Variants in STAB1 observed in about 807,000 individuals in gnomAD.
STAB1 encodes stabilin-1.
STAB1 carries 250 observed loss-of-function variants against 332.4 expected under a neutral mutation model. The ratio of observed to expected loss-of-function variants is 0.75; its 90% CI spans 0.68 to 0.84. STAB1 has a LOEUF of 0.84. Ranked by LOEUF, STAB1 falls within the 40% of genes least tolerant of loss-of-function variation. The pLI is 0.00. For missense variants in STAB1, 3,249 were observed against 3,489.7 expected (o/e 0.93, Z 1.74); for synonymous variants, 1,475 against 1,390.4 (o/e 1.06, Z -1.35).
At chr3:52,504,217 G>A (rs1215471145) in intron 10 of STAB1, 62 bp downstream of exon 10, 24 of 1,540,012 alleles carry the variant, frequency 1.6e-5, no homozygotes, top group Admixed American at 1.9e-5. Context: ...TTGGCAGGGA[G>A]GGAGGAGCTG....
At chr3:52,499,920 A>C (rs1385403389) in intron 1 of STAB1, among the ~76,000 whole-genome samples, 17 of 149,034 alleles carry the variant, frequency 1.1e-4, no homozygotes, top group Non-Finnish European at 1.6e-4. Context: ...AAAAAAAAAA[A>C]AAACTGGCCA....
rs763667290 is a variant in STAB1, at chr3:52,517,313, C to T, written c.4490-7C>T. On this transcript the variant is annotated splice_region_variant and splice_polypyrimidine_tract_variant and intron_variant, in intron 42 of 68. Transcript: ENST00000321725. ...GGCCACCCCCATCCCAGTGTCTCTTCCCCCAGAAATTAACAGCTGTCTCAT... is the reference window on the plus strand; with the variant it reads ...GGCCACCCCCATCCCAGTGTCTCTTTCCCCAGAAATTAACAGCTGTCTCAT... 105 of 1,563,674 alleles carry T rather than the reference C, an allele frequency of 6.7e-5. No individual in the cohort carries two copies. Among genetic ancestry groups the T allele is most frequent in the Admixed American group, 1.4e-4 (7 of 50,856 alleles).
At chr3:52,508,456 AC>A (rs1709047334) in intron 21 of STAB1, 97 bp downstream of exon 21, 1 of 1,165,986 alleles carries the variant, frequency 8.6e-7, no homozygotes, top group South Asian at 1.2e-5. Flanking sequence ...CAAGCCTGCC[AC>A]TCTGGCCTTG....
In STAB1 at chr3:52,524,217, A is replaced by G. The variant is rs1157976020; in HGVS notation, c.7656+4A>G. The G allele has an allele frequency of 1.9e-6, 3 of 1,613,998 alleles. No homozygotes were observed. Among genetic ancestry groups the G allele is most frequent in the Non-Finnish European group, 2.5e-6 (3 of 1,179,960 alleles). On this transcript the variant is annotated splice_donor_region_variant and intron_variant, in intron 68 of 68. Coordinates refer to ENST00000321725, the MANE Select transcript of STAB1 (RefSeq NM_015136.3). ...CACCTTTTGTGAACCCTTCGATGTA[A>G]GCATGGAAGTGAAGAAGTGTGGCAG...
At chr3:52,496,415 G>A (rs922843207) in intron 1 of STAB1, among the ~76,000 whole-genome samples, 7 of 152,226 alleles carry the variant, frequency 4.6e-5, no homozygotes, top group African/African-American at 1.7e-4. Context: ...GTCCAGAGCG[G>A]GGAGGACTTG....
Position 52,506,179 on chromosome 3 carries a change from G to C in STAB1, c.1759G>C (p.Glu587Gln), listed in dbSNP as rs983375651. 5 of 1,611,690 alleles carry C rather than the reference G, an allele frequency of 3.1e-6. No individual in the cohort carries two copies. The highest frequency in any genetic ancestry group is 4.2e-6 in the Non-Finnish European group (5 of 1,179,318). Residue 587 changes from glutamate (E) to glutamine (Q), a missense_variant, in exon 17 of 69, where the codon GAG becomes CAG. Physicochemically the swap from Glu to Gln is conservative, Grantham distance 29. Transcript: ENST00000321725. ...HIYNHGQLTVEKLISKGRILT... is the reference protein window; with the variant it reads ...HIYNHGQLTVQKLISKGRILT... The stretch of plus-strand genomic sequence containing the variant: ...CTGTCCCTTGCCCCAGCTGACCGTT[G>C]AGAAGCTCATCTCCAAGGGTCGGAT...
rs1331294909 is a variant in STAB1 at position 52,505,896 on chromosome 3, T to C, written c.1709T>C (p.Leu570Pro). The C allele has an allele frequency of 6.2e-7, 1 of 1,613,926 alleles. No individual in the cohort carries two copies. Among genetic ancestry groups the C allele is most frequent in the Non-Finnish European group, 8.5e-7 (1 of 1,180,026 alleles). The part of the protein sequence containing the change: ...IYLFTAGLSK[L>P]QELVRYHIYN... ...CTCCCCTGCCAGGGTCTCTCTAAAC[T>C]GCAGGAGTTGGTGCGGTACCACATC... is the stretch of plus-strand genomic sequence containing the variant. The change falls in exon 16 of 69, where the codon CTG (leucine) becomes CCG (proline). Residue 570 changes from leucine (L) to proline (P), a missense_variant. Transcript: ENST00000321725.
At chr3:52,521,793 C>A in intron 57 of STAB1, 51 bp from the exon 58 acceptor site, 2 of 1,595,328 alleles carry the variant, frequency 1.3e-6, no homozygotes, top group Admixed American at 1.7e-5. Context: ...CGGGCAGAGG[C>A]CAGGAAGGCA....
Position 52,505,903 on chromosome 3 carries a change from G to A in STAB1, c.1716G>A (p.Glu572=). 1.2e-6 allele frequency: 2 copies of A among 1,613,952 alleles called. No homozygotes were observed. The highest frequency in any genetic ancestry group is 1.7e-6 in the Non-Finnish European group (2 of 1,180,048). Residue 572 remains glutamate (E), a synonymous_variant, in exon 16 of 69, where the codon GAG becomes GAA. Coordinates refer to ENST00000321725, the MANE Select transcript of STAB1 (RefSeq NM_015136.3). The part of the protein sequence containing the change: ...LFTAGLSKLQ[E]LVRYHIYNHG... ...GCCAGGGTCTCTCTAAACTGCAGGA[G>A]TTGGTGCGGTACCACATCTACAACC...
chr3:52,518,300 T>G lies in STAB1; in HGVS notation c.4762-12T>G. Reference sequence around the variant, plus strand: ...GGCCGCCCCAAATCTGAGCTGACCCTCGCCCCCCCAGGAGCTCCTGAGGGA... The same window carrying G: ...GGCCGCCCCAAATCTGAGCTGACCCGCGCCCCCCCAGGAGCTCCTGAGGGA... On this transcript the variant is annotated splice_polypyrimidine_tract_variant and intron_variant, in intron 45 of 68. Transcript: ENST00000321725. 6.2e-7 allele frequency: 1 copy of G among 1,612,432 alleles called. No individual in the cohort carries two copies. The highest frequency in any genetic ancestry group is 8.5e-7 in the Non-Finnish European group (1 of 1,179,634).
chr3:52,505,295 C>G, intron 13 of STAB1, 24 bp from the exon 14 acceptor site: 1 of 1,613,302 alleles, frequency 6.2e-7, no homozygotes, highest in East Asian at 2.2e-5. Flanking sequence ...TCCCTGGGGC[C>G]CTCACACTCA....
At position 52,521,690 on chromosome 3, in the gene STAB1, G is replaced by A. The variant is rs143165373; in HGVS notation, c.6153G>A (p.Glu2051=). 20 of 1,612,638 alleles carry A rather than the reference G, an allele frequency of 1.2e-5. No homozygotes were observed. In the African/African-American group the frequency reaches 2.3e-4, roughly 18 times the overall value. Residue 2051 remains glutamate, a synonymous_variant, in exon 57 of 69, where the codon GAG becomes GAA. Transcript: ENST00000321725. ...CDEGWTGPRC[E]VQLELQPVCT... is the part of the protein sequence containing the mutation. Reference sequence around the variant, plus strand: ...AAGGCTGGACTGGGCCACGCTGTGAGGTGCAACTGGGTGAGTAGCCCCGTG... The same window carrying A: ...AAGGCTGGACTGGGCCACGCTGTGAAGTGCAACTGGGTGAGTAGCCCCGTG...
intron 1 of STAB1, among the ~76,000 whole-genome samples, chr3:52,498,175 C>T (rs1351624727): frequency 6.6e-6 from 1 of 152,252 alleles, no homozygotes; most frequent in Non-Finnish European, 1.5e-5. Flanking sequence ...TCCACCTTCT[C>T]ACCAAAGACT....
chr3:52,522,220 G>GCA lies in STAB1; in HGVS notation c.6457_6458dup (p.Gly2154ProfsTer3). ...TGCAGCGAGCACGCCAACTGCTTGA[G>GCA]CACCGGCCTGGTGAGCAGGTGGGGG... On this transcript the variant is annotated frameshift_variant, in exon 59 of 69. Transcript: ENST00000321725. LOFTEE classifies it high-confidence loss of function. The GCA allele has an allele frequency of 6.2e-7, 1 of 1,612,568 alleles. No individual in the cohort carries two copies.
intron 36 of STAB1, 108 bp downstream of exon 36, chr3:52,515,153 C>A: frequency 7.1e-7 from 1 of 1,401,260 alleles, no homozygotes; most frequent in Non-Finnish European, 9.8e-7. Context: ...CCCAGGCATC[C>A]AGGCTCAGGG....
rs144480083 is a variant in STAB1, at chr3:52,520,873, T to C, written c.5776T>C (p.Leu1926=). The C allele has an allele frequency of 1.2e-5, 20 of 1,612,498 alleles. No individual in the cohort carries two copies. Among genetic ancestry groups the C allele is most frequent in the Non-Finnish European group, 1.5e-5 (18 of 1,179,942 alleles). Residue 1926 remains leucine (L), a synonymous_variant, in exon 55 of 69, where the codon TTA becomes CTA. Transcript: ENST00000321725. ...WTSPPLHSLG[L]RSVWVHPSLW... is the part of the protein sequence containing the mutation. ...GTCCCCTCCGCTGCACTCTTTGGGATTACGCAGCGTCTGGGTCCACCCCAG... is the reference window on the plus strand; with the variant it reads ...GTCCCCTCCGCTGCACTCTTTGGGACTACGCAGCGTCTGGGTCCACCCCAG...
Position 52,524,090 on chromosome 3 carries a change from C to G in STAB1, c.7543-10C>G. On this transcript the variant is annotated splice_polypyrimidine_tract_variant and intron_variant, in intron 67 of 68. Transcript: ENST00000321725. ...AGGCGCCTCGCCACTCACCCCTCTG[C>G]TGCTCCCAGGCGGAAGATGATGCTG... The G allele has an allele frequency of 6.2e-7, 1 of 1,613,310 alleles. No individual in the cohort carries two copies. The highest frequency in any genetic ancestry group is 1.6e-4 in the Middle Eastern group (1 of 6,062).
chr3:52,503,999 G>T (rs779887306), intron 9 of STAB1, 29 bp from the exon 10 acceptor site: 1 of 1,608,866 alleles, frequency 6.2e-7, no homozygotes, highest in Non-Finnish European at 8.5e-7. Context: ...CTCAGCCTCC[G>T]CCCTGACTGG....
At position 52,503,043 on chromosome 3, in the gene STAB1, T is replaced by C. The variant is rs1708568168; in HGVS notation, c.628T>C (p.Cys210Arg). The change falls in exon 7 of 69, where the codon TGC becomes CGC. Residue 210 changes from cysteine to arginine, a missense_variant. By Grantham distance (180) the Cys-to-Arg change is radical. Coordinates refer to ENST00000321725, the MANE Select transcript of STAB1 (RefSeq NM_015136.3). ...QELRCPQNTQ[C>R]SAEAPSCRCL... Reference sequence around the variant, plus strand: ...GCTGCGCTGTCCCCAGAACACCCAGTGCTCCGCAGAGGCTCCCAGCTGCAG... The same window carrying C: ...GCTGCGCTGTCCCCAGAACACCCAGCGCTCCGCAGAGGCTCCCAGCTGCAG... 6.2e-7 allele frequency: 1 copy of C among 1,603,572 alleles called. No individual in the cohort carries two copies. The highest frequency in any genetic ancestry group is 1.3e-5 in the African/African-American group (1 of 74,934).
Sources: gnomAD v4.1 joint callset for allele counts (sites outside exome capture counted in the v4.1 genomes callset) on GRCh38, gnomAD v4.1.1 for gene constraint, MANE v1.5 for transcripts, NCBI Gene and HGNC (gene_info 2026-07-23, HGNC 2026-07-21) for gene names.